The following FREM2 variants were observed in gnomAD, a reference collection of about 807,000 sequenced individuals.
FREM2 encodes FRAS1 related extracellular matrix 2.
In FREM2, 119 loss-of-function variants were observed where a neutral mutation model predicts 219.9. The observed-to-expected ratio is 0.54, with a 90% CI of 0.47 to 0.63. The LOEUF is 0.63. Ranked by LOEUF, FREM2 falls within the 30% of genes least tolerant of loss-of-function variation. FREM2 has a pLI of 0.00. For synonymous variants in FREM2, 1,562 were observed against 1,522.8 expected, an observed-to-expected ratio of 1.03 and a Z score of -0.60; for missense variants, 4,030 against 3,993.6, an observed-to-expected ratio of 1.01 and a Z score of -0.25.
At chr13:38,861,647 A>G (rs1306349974) in intron 15 of FREM2, 85 bp downstream of exon 15, 5 of 1,463,232 alleles carry the variant, frequency 3.4e-6, no homozygotes, top group Non-Finnish European at 4.8e-6. Context: ...CTAAATAACC[A>G]AGCTTAAATA....
rs900640568 is a variant in FREM2, at chr13:38,705,364, G to A, written c.5263+7577G>A. Among the ~76,000 whole-genome samples, 4 of 152,150 alleles carry A rather than the reference G, an allele frequency of 2.6e-5. No individual in the cohort carries two copies. In the South Asian group the frequency reaches 8.3e-4, roughly 32 times the overall value. Reference sequence around the variant, plus strand: ...TATGGAGATGAAATAGACTAGAGGGGCATGGACTAGGTTTAAGGGAGGAAA... The same window carrying A: ...TATGGAGATGAAATAGACTAGAGGGACATGGACTAGGTTTAAGGGAGGAAA... On this transcript the variant is annotated intron_variant, in intron 2 of 23. Transcript: ENST00000280481.
In FREM2 at chr13:38,689,816, C is replaced by T. The variant is rs114831647; in HGVS notation, c.2472C>T (p.Pro824=). ...APGTFTLYLH[P]VDNQPPEILN... ...GTACCTTTACCCTTTACTTGCATCC[C>T]GTGGACAACCAGCCACCTGAGATCC... Residue 824 remains proline (P), a synonymous_variant, in exon 1 of 24, where the codon CCC becomes CCT. Transcript: ENST00000280481. 1.4e-4 allele frequency: 221 copies of T among 1,614,042 alleles called. No individual in the cohort carries two copies. The highest frequency in any genetic ancestry group is 1.8e-4 in the Non-Finnish European group (209 of 1,179,984).
At chr13:38,732,721 A>G (rs1258020394) in intron 2 of FREM2, among the ~76,000 whole-genome samples, 16 of 152,236 alleles carry the variant, frequency 1.1e-4, no homozygotes, top group Admixed American at 9.8e-4. Context: ...GAAATCATTC[A>G]AACAAGAATA....
chr13:38,806,367 C>G (rs1257610567), intron 6 of FREM2, among the ~76,000 whole-genome samples: 1 of 151,882 alleles, frequency 6.6e-6, no homozygotes, highest in Non-Finnish European at 1.5e-5. Flanking sequence ...CCATATCTCT[C>G]CTAGAACTTG....
chr13:38,765,810 G>A (rs1050329214), intron 3 of FREM2, among the ~76,000 whole-genome samples: 4 of 151,638 alleles, frequency 2.6e-5, no homozygotes, highest in South Asian at 2.1e-4. Flanking sequence ...GTCTCCCCGC[G>A]GCCTCACCCC....
rs747402192 is a variant in FREM2 at position 38,880,571 on chromosome 13, C to G, written c.9294C>G (p.Leu3098=). Residue 3098 remains leucine (L), a synonymous_variant, in exon 24 of 24, where the codon CTC becomes CTG. Transcript: ENST00000280481. ...PHGRAPPDGI[L]PWELNSPSSA... ...GGAGAGCACCTCCAGATGGCATCCTCCCCTGGGAGCTCAACAGCCCCAGCT... is the reference window on the plus strand; with the variant it reads ...GGAGAGCACCTCCAGATGGCATCCTGCCCTGGGAGCTCAACAGCCCCAGCT... 11 of 1,614,016 alleles carry G rather than the reference C, an allele frequency of 6.8e-6. No homozygotes were observed. Among genetic ancestry groups the G allele is most frequent in the Non-Finnish European group, 1.7e-6 (2 of 1,179,966 alleles).
At chr13:38,854,719 G>C (rs1877491639) in intron 11 of FREM2, among the ~76,000 whole-genome samples, 1 of 152,062 alleles carries the variant, frequency 6.6e-6, no homozygotes, top group Non-Finnish European at 1.5e-5. Context: ...AATAGTTGCT[G>C]TATCTAGAGA....
At chr13:38,743,207 TG>T (rs1249903484) in intron 2 of FREM2, among the ~76,000 whole-genome samples, 1 of 152,158 alleles carries the variant, frequency 6.6e-6, no homozygotes, top group Non-Finnish European at 1.5e-5. Flanking sequence ...ACTTTATGCT[TG>T]GCATATTTGA....
chr13:38,733,251 T>C (rs1360136552), intron 2 of FREM2, among the ~76,000 whole-genome samples: 1 of 151,250 alleles, frequency 6.6e-6, no homozygotes, highest in Non-Finnish European at 1.5e-5. Context: ...AAGCCCCTAC[T>C]CCTCATCTTG....
intron 6 of FREM2, among the ~76,000 whole-genome samples, chr13:38,830,311 T>C (rs1377002461): frequency 1.3e-5 from 2 of 152,200 alleles, no homozygotes; most frequent in East Asian, 1.9e-4. Context: ...TCATCCACTT[T>C]GATACTGTCC....
At chr13:38,859,809 G>A (rs1183969499) in intron 14 of FREM2, among the ~76,000 whole-genome samples, 1 of 151,678 alleles carries the variant, frequency 6.6e-6, no homozygotes, top group Non-Finnish European at 1.5e-5. Context: ...ACAATGCTTT[G>A]TGCTGGCAAT....
chr13:38,853,192 G>A (rs1877436522), intron 11 of FREM2, among the ~76,000 whole-genome samples: 1 of 151,532 alleles, frequency 6.6e-6, no homozygotes, highest in South Asian at 2.1e-4. Context: ...GCCAGGCGTG[G>A]TGGCACACGC....
chr13:38,687,147 TCGGCTCCTCGGCTG>T lies in FREM2; in HGVS notation c.-190_-177del. On this transcript the variant is annotated 5_prime_UTR_variant, in exon 1 of 24. Coordinates refer to ENST00000280481, the MANE Select transcript of FREM2 (RefSeq NM_207361.6). ...CGGAGCTGGACGGCCTGGGAAGGCTTCGGCTCCTCGGCTGCGGCTCCAGCCCGGACGGCGCCGCG... is the reference window on the plus strand; with the variant it reads ...CGGAGCTGGACGGCCTGGGAAGGCTTCGGCTCCAGCCCGGACGGCGCCGCG... 1.5e-6 allele frequency: 1 copy of T among 687,010 alleles called. No individual in the cohort carries two copies. Among genetic ancestry groups the T allele is most frequent in the Non-Finnish European group, 2.4e-6 (1 of 410,732 alleles). 42.6% of individuals were successfully genotyped at this position (687,010 alleles called of 1,614,324 possible).
At position 38,691,311 on chromosome 13, in the gene FREM2, A is replaced by C. The variant is rs371827710; in HGVS notation, c.3967A>C (p.Asn1323His). 1.9e-6 allele frequency: 3 copies of C among 1,614,004 alleles called. No homozygotes were observed. The African/African-American group carries it at 4.0e-5, about 22-fold the overall frequency. ...EIEIGDTKII[N>H]NKILMATDLD... ...AGAAATTGGGGATACCAAGATTATC[A>C]ACAACAAAATATTAATGGCAACAGA... Residue 1323 changes from asparagine to histidine, a missense_variant, in exon 1 of 24, where the codon AAC becomes CAC. Asn to His is a moderately conservative substitution (Grantham distance 68). This residue lies in a region of FREM2 where 3,102 missense variants were observed against 2,950.7 expected (regional missense o/e 1.05). Transcript: ENST00000280481.
intron 23 of FREM2, 103 bp downstream of exon 23, chr13:38,879,080 A>C (rs1878453489): frequency 9.5e-7 from 1 of 1,052,368 alleles, no homozygotes; most frequent in Admixed American, 1.7e-5. Context: ...CAGTAATAGT[A>C]ATATTGCATA....
At chr13:38,712,152 C>G (rs555225770) in intron 2 of FREM2, among the ~76,000 whole-genome samples, 3 of 151,994 alleles carry the variant, frequency 2.0e-5, no homozygotes, top group Admixed American at 6.6e-5. Flanking sequence ...CCTCGGCCCC[C>G]CAAAGTGCTG....
chr13:38,779,848 A>G (rs1874044798), intron 4 of FREM2, among the ~76,000 whole-genome samples: 1 of 152,210 alleles, frequency 6.6e-6, no homozygotes, highest in Non-Finnish European at 1.5e-5. Context: ...CTTTTGAAAC[A>G]ACTGATCACT....
intron 15 of FREM2, 54 bp downstream of exon 15, chr13:38,861,616 TG>T (rs1877766587): frequency 6.3e-7 from 1 of 1,590,056 alleles, no homozygotes; most frequent in Admixed American, 1.7e-5. Context: ...CCTCATTACC[TG>T]TTGTATTTTC....
chr13:38,851,406 C>T (rs958892392), intron 10 of FREM2, among the ~76,000 whole-genome samples: 14 of 152,198 alleles, frequency 9.2e-5, no homozygotes, highest in Admixed American at 9.2e-4. Context: ...TTCCTCCCTT[C>T]CCACCCACCT....
Sources: gnomAD v4.1 joint callset for allele counts (sites outside exome capture counted in the v4.1 genomes callset) on GRCh38, gnomAD v4.1.1 for gene constraint, gnomAD v4.1.1 regional missense constraint, MANE v1.5 for transcripts, NCBI Gene and HGNC (gene_info 2026-07-23, HGNC 2026-07-21) for gene names.